IQSEC1: variants seen among roughly 807,000 people sequenced by gnomAD.
IQSEC1 encodes the protein IQ motif and Sec7 domain ArfGEF 1, also known as IQ motif and SEC7 domain-containing protein 1.
Under a neutral mutation model 91.0 loss-of-function variants are expected in IQSEC1, and 31 were observed. The ratio of observed to expected loss-of-function variants is 0.34; its 90% CI spans 0.26 to 0.46. IQSEC1 has a LOEUF of 0.46. Ranked by LOEUF, IQSEC1 falls within the 20% of genes least tolerant of loss-of-function variation. The probability of loss-of-function intolerance (pLI) is 1.00; values close to 1 mark genes in which losing one functional copy is unlikely to be tolerated. For missense variants in IQSEC1, 1,388 were observed against 1,575.6 expected, an observed-to-expected ratio of 0.88 and a Z score of 2.02; for synonymous variants, 699 against 662.6, an observed-to-expected ratio of 1.05 and a Z score of -0.84.
intron 1 of IQSEC1, among the ~76,000 whole-genome samples, chr3:13,064,033 A>G (rs1429551148): frequency 6.6e-6 from 1 of 151,884 alleles, no homozygotes; most frequent in African/African-American, 2.4e-5. Flanking sequence ...CAATACAGAG[A>G]GATCTTATAT....
At chr3:13,190,005 G>T (rs191875130) in intron 1 of IQSEC1, among the ~76,000 whole-genome samples, 2 of 152,336 alleles carry the variant, frequency 1.3e-5, no homozygotes, top group Non-Finnish European at 2.9e-5. Flanking sequence ...TGCCCAAGCA[G>T]CTCATGGCCC....
chr3:13,274,144 G>A (rs1695635388), intron 1 of IQSEC1, among the ~76,000 whole-genome samples: 1 of 152,162 alleles, frequency 6.6e-6, no homozygotes, highest in Admixed American at 6.5e-5. Flanking sequence ...TCAGCCTCGG[G>A]CTGTTCATGG....
At chr3:12,959,364 G>A (rs1700105587) in intron 1 of IQSEC1, among the ~76,000 whole-genome samples, 1 of 152,170 alleles carries the variant, frequency 6.6e-6, no homozygotes, top group Non-Finnish European at 1.5e-5. Context: ...TACCATCCAG[G>A]GGACCCCCAA....
At chr3:13,063,073 G>T (rs1705123652) in intron 1 of IQSEC1, among the ~76,000 whole-genome samples, 1 of 152,206 alleles carries the variant, frequency 6.6e-6, no homozygotes, top group Admixed American at 6.5e-5. Flanking sequence ...TCATGCTCAG[G>T]AAATGGGATG....
chr3:13,093,640 T>G (rs139943769), intron 2 of IQSEC1, among the ~76,000 whole-genome samples: 96 of 152,246 alleles, frequency 6.3e-4, no homozygotes, highest in African/African-American at 2.3e-3. Flanking sequence ...ACATGGGGTG[T>G]GTGGCAAACC....
At chr3:13,102,805 G>A (rs748749713) in intron 2 of IQSEC1, among the ~76,000 whole-genome samples, 2 of 152,094 alleles carry the variant, frequency 1.3e-5, no homozygotes, top group Admixed American at 6.5e-5. Context: ...TCCAGGAGGC[G>A]GGTACTGAGC....
rs1695807814 is a variant in IQSEC1 at position 13,282,323 on chromosome 3, T to C, written c.272+388A>G. The stretch of plus-strand genomic sequence containing the variant: ...ACCCCTCCCTACCGGTCTCGGGATC[T>C]CTGGGTCGGAAGTTCTCGCCCTGCT... On this transcript the variant is annotated intron_variant, in intron 1 of 15. Coordinates refer to the IQSEC1 transcript ENST00000648114. This position sits in a 1 kb window ranked among gnomAD's most constrained non-coding sequence, Gnocchi z 6.4. Among the ~76,000 whole-genome samples, 3 of 151,930 alleles carry C rather than the reference T, an allele frequency of 2.0e-5. No individual in the cohort carries two copies. The highest frequency in any genetic ancestry group is 4.8e-5 in the African/African-American group (2 of 41,338).
chr3:12,979,983 T>A lies in IQSEC1; in HGVS notation c.24-38118A>T, dbSNP rs962235238. 6.6e-6 allele frequency among the ~76,000 whole-genome samples: 1 copy of A among 152,212 alleles called. No homozygotes were observed. Among genetic ancestry groups the A allele is most frequent in the Non-Finnish European group, 1.5e-5 (1 of 68,022 alleles). On this transcript the variant is annotated intron_variant, in intron 1 of 13. Coordinates refer to ENST00000613206, the MANE Select transcript of IQSEC1 (RefSeq NM_001134382.3). The surrounding 1 kb of genome is among the most constrained non-coding windows in gnomAD (Gnocchi z 4.3). ...GGAAGGCAGCCTGGTGCCAGGGGCA[T>A]GCAGCTGGAGGCCTCCACGTCCTGT...
At position 13,253,940 on chromosome 3, in the gene IQSEC1, C is replaced by T. The variant is rs554781043; in HGVS notation, c.272+28771G>A. ...CCACCGATGGAAGCTGTGTTTCCAC[C>T]GCTGGAAATAGCTGCACATGCCTGA... On this transcript the variant is annotated intron_variant, in intron 1 of 15. Transcript: ENST00000648114. Among the ~76,000 whole-genome samples the T allele has an allele frequency of 1.7e-4, 26 of 152,262 alleles. 1 individual carries two copies. In the South Asian group the frequency reaches 4.4e-3, roughly 26 times the overall value.
At chr3:13,022,326 AGCCTCT>A (rs1221254282) in intron 1 of IQSEC1, 3 of 1,197,984 alleles carry the variant, frequency 2.5e-6, no homozygotes, top group Non-Finnish European at 3.1e-6. Flanking sequence ...TCCACCGGCC[AGCCTCT>A]GTGCCCTGGT....
intron 1 of IQSEC1, among the ~76,000 whole-genome samples, chr3:13,056,581 C>T (rs1576221658): frequency 6.6e-6 from 1 of 152,118 alleles, no homozygotes; most frequent in Non-Finnish European, 1.5e-5. Context: ...AGCAGATACA[C>T]GTATCCACTC....
intron 1 of IQSEC1, among the ~76,000 whole-genome samples, chr3:13,194,178 G>C (rs564637753): frequency 6.6e-5 from 10 of 152,292 alleles, no homozygotes; most frequent in African/African-American, 2.2e-4. Context: ...CCCGTTCTAA[G>C]GTTATGGGGG....
chr3:13,144,608 C>T (rs944724126), intron 2 of IQSEC1, among the ~76,000 whole-genome samples: 3 of 152,192 alleles, frequency 2.0e-5, no homozygotes, highest in African/African-American at 4.8e-5. Flanking sequence ...CTGGGCACAC[C>T]AGAGGCCTTT....
chr3:13,183,392 C>CCTAT (rs141690415), intron 1 of IQSEC1, among the ~76,000 whole-genome samples: 9,329 of 151,130 alleles, frequency 0.062, 315 homozygotes, highest in Middle Eastern at 0.071. Context: ...ATGGTGAAAC[C>CCTAT]CTATCTCCAT....
At chr3:13,163,020 C>T (rs1221440276) in intron 2 of IQSEC1, among the ~76,000 whole-genome samples, 1 of 152,132 alleles carries the variant, frequency 6.6e-6, no homozygotes, top group Admixed American at 6.5e-5. Context: ...CTCTCCAGTT[C>T]CCCTTCTGAG....
intron 2 of IQSEC1, 42 bp from the exon 3 acceptor site, chr3:12,936,739 G>A (rs1411322008): frequency 6.7e-7 from 1 of 1,493,020 alleles, no homozygotes; most frequent in East Asian, 2.5e-5. Context: ...CTGCATGTAG[G>A]CACAGTGCGA....
At chr3:13,011,977 C>T (rs1189990305) in intron 1 of IQSEC1, among the ~76,000 whole-genome samples, 1 of 152,178 alleles carries the variant, frequency 6.6e-6, no homozygotes, top group Non-Finnish European at 1.5e-5. Context: ...TGTTCCAGCA[C>T]CTGATCAGAA....
At chr3:12,912,153 G>A (rs1295570846) in intron 9 of IQSEC1, among the ~76,000 whole-genome samples, 2 of 152,238 alleles carry the variant, frequency 1.3e-5, no homozygotes, top group Non-Finnish European at 2.9e-5. Flanking sequence ...GGCCTGCAGG[G>A]AGACTGGCCC....
intron 2 of IQSEC1, among the ~76,000 whole-genome samples, chr3:13,150,409 A>G (rs1290478575): frequency 2.0e-5 from 3 of 152,230 alleles, no homozygotes; most frequent in Non-Finnish European, 2.9e-5. Flanking sequence ...TAAACTTGTC[A>G]GCTTAGCAGG....
Sources: gnomAD v4.1 joint callset for allele counts (sites outside exome capture counted in the v4.1 genomes callset) on GRCh38, gnomAD v4.1.1 for gene constraint, Gnocchi (gnomAD v3.1) non-coding constraint, MANE v1.5 for transcripts, NCBI Gene and HGNC (gene_info 2026-07-23, HGNC 2026-07-21) for gene names.